LRRC37A2: variants seen among roughly 807,000 people sequenced by gnomAD.
LRRC37A2 encodes the protein leucine rich repeat containing 37 member A2, also known as leucine-rich repeat-containing protein 37A2.
Under a neutral mutation model 68.8 loss-of-function variants are expected in LRRC37A2, and 9 were observed. The ratio of observed to expected loss-of-function variants is 0.13; its 90% CI spans 0.08 to 0.23. The LOEUF (loss-of-function observed/expected upper bound fraction) is 0.23, where lower values mean the gene tolerates loss of function less well. LRRC37A2 is among the 10% of genes least tolerant of loss of function. The pLI is 1.00. For missense variants in LRRC37A2, 168 were observed against 950.4 expected (o/e 0.18, Z 10.82); for synonymous variants, 63 against 367.6 (o/e 0.17, Z 9.48).
chr17:46,749,369 G>C, the LRRC37A2 span, among the ~76,000 whole-genome samples: 1 of 152,176 alleles, frequency 6.6e-6, no homozygotes, highest in Admixed American at 6.5e-5. Context: ...CTTCTAAAAA[G>C]TGTACTAAAG....
chr17:46,741,770 T>TTTG, the LRRC37A2 span, among the ~76,000 whole-genome samples: 147,804 of 151,712 alleles, frequency 0.97, 72,088 homozygotes, highest in East Asian at 1. Context: ...GGTTTTTGTT[T>TTTG]TTGTTGTTGT....
At chr17:46,556,609 AG>A (rs1402242766), downstream of LRRC37A2, 2 of 6,990 alleles carry the variant, frequency 2.9e-4, no homozygotes, top group Admixed American at 1.2e-3. Flanking sequence ...TCCCCAAATA[AG>A]GAGCCCACCA....
the LRRC37A2 span, among the ~76,000 whole-genome samples, chr17:46,494,473 T>C: frequency 1.3e-5 from 2 of 149,146 alleles, no homozygotes; most frequent in Admixed American, 6.7e-5. Context: ...ATAGACAATA[T>C]GTAAATGAAT....
At chr17:46,761,595 A>G in the LRRC37A2 span, among the ~76,000 whole-genome samples, 1 of 152,084 alleles carries the variant, frequency 6.6e-6, no homozygotes, top group African/African-American at 2.4e-5. Context: ...TCGGCCTCCC[A>G]AAGTGCTGGG....
the LRRC37A2 span, among the ~76,000 whole-genome samples, chr17:47,034,839 C>G: frequency 2.6e-5 from 4 of 152,044 alleles, no homozygotes; most frequent in African/African-American, 9.7e-5. Flanking sequence ...AAAAAAATCA[C>G]GAAGGATATT....
At chr17:46,744,601 T>C in the LRRC37A2 span, among the ~76,000 whole-genome samples, 1 of 151,590 alleles carries the variant, frequency 6.6e-6, no homozygotes, top group Non-Finnish European at 1.5e-5. Context: ...AGTATTATAT[T>C]AGTGGCATTT....
chr17:47,019,655 A>G, the LRRC37A2 span: 1 of 1,402,928 alleles, frequency 7.1e-7, no homozygotes, highest in Non-Finnish European at 1.0e-6. Flanking sequence ...CACCAGAGGA[A>G]CAGAAGGCCT....
chr17:46,760,137 C>T, the LRRC37A2 span, among the ~76,000 whole-genome samples: 10 of 152,080 alleles, frequency 6.6e-5, no homozygotes, highest in East Asian at 1.9e-4. Context: ...TAGTAGAGTG[C>T]GCCTGAGTCC....
the LRRC37A2 span, among the ~76,000 whole-genome samples, chr17:46,925,914 T>G: frequency 6.6e-6 from 1 of 152,212 alleles, no homozygotes; most frequent in Non-Finnish European, 1.5e-5. Context: ...TAGATGAACT[T>G]TATAGAGGAG....
At chr17:46,710,988 A>T in the LRRC37A2 span, 4 of 1,595,094 alleles carry the variant, frequency 2.5e-6, no homozygotes, top group Non-Finnish European at 3.4e-6. Flanking sequence ...CAAGAAGATT[A>T]TGCAAGTTAC....
chr17:46,868,097 G>A, the LRRC37A2 span, among the ~76,000 whole-genome samples: 4 of 152,158 alleles, frequency 2.6e-5, no homozygotes, highest in African/African-American at 9.7e-5. Context: ...GGAGGTAGCT[G>A]GGCCAAAGCA....
At chr17:46,837,187 C>T in the LRRC37A2 span, among the ~76,000 whole-genome samples, 2 of 152,116 alleles carry the variant, frequency 1.3e-5, no homozygotes, top group East Asian at 1.9e-4. Flanking sequence ...GTGATCTGCC[C>T]GCCGCGGCCC....
the LRRC37A2 span, among the ~76,000 whole-genome samples, chr17:47,023,145 TTTAA>T: frequency 6.6e-6 from 1 of 152,256 alleles, no homozygotes; most frequent in Non-Finnish European, 1.5e-5. Context: ...TACTCATGAA[TTTAA>T]TTAAATATCT....
the LRRC37A2 span, among the ~76,000 whole-genome samples, chr17:46,709,797 G>C: frequency 6.6e-6 from 1 of 152,110 alleles, no homozygotes; most frequent in Admixed American, 6.6e-5. Flanking sequence ...GCCCGGCCAT[G>C]AAAATTTCTT....
chr17:46,881,670 TCAATGC>T, the LRRC37A2 span, among the ~76,000 whole-genome samples: 9 of 152,140 alleles, frequency 5.9e-5, no homozygotes, highest in Non-Finnish European at 1.3e-4. Context: ...CTCCAGCTGC[TCAATGC>T]CACCATCTTC....
At chr17:46,800,481 G>C in the LRRC37A2 span, among the ~76,000 whole-genome samples, 392 of 151,810 alleles carry the variant, frequency 2.6e-3, 2 homozygotes, top group Non-Finnish European at 4.0e-3. Context: ...GTGATGCAGA[G>C]GCCTACAGAG....
the LRRC37A2 span, chr17:46,872,369 A>C: frequency 7.8e-7 from 1 of 1,284,216 alleles, no homozygotes; most frequent in Non-Finnish European, 1.0e-6. Context: ...TGGTTTCCTA[A>C]TCTGTAAAAT....
chr17:46,966,522 T>G, the LRRC37A2 span: 1 of 689,646 alleles, frequency 1.5e-6, no homozygotes, highest in Non-Finnish European at 2.6e-6. Context: ...TAATTTTTTG[T>G]ATTTTTTGCA....
chr17:46,986,652 C>G, the LRRC37A2 span, among the ~76,000 whole-genome samples: 1 of 152,148 alleles, frequency 6.6e-6, no homozygotes, highest in Admixed American at 6.5e-5. Flanking sequence ...TGGTGGTTCC[C>G]TATTTAGCTT....
Sources: gnomAD v4.1 joint callset for allele counts (sites outside exome capture counted in the v4.1 genomes callset) on GRCh38, gnomAD v4.1.1 for gene constraint, MANE v1.5 for transcripts, NCBI Gene and HGNC (gene_info 2026-07-23, HGNC 2026-07-21) for gene names.